MARF1: variants seen among roughly 807,000 people sequenced by gnomAD.
MARF1 encodes the protein meiosis regulator and mRNA stability factor 1.
A neutral mutation model predicts 168.2 loss-of-function variants in MARF1; 24 were observed. The observed-to-expected ratio is 0.14, with a 90% CI of 0.10 to 0.20. MARF1 has a LOEUF of 0.20. MARF1 is among the 10% of genes least tolerant of loss of function. The probability of loss-of-function intolerance (pLI) is 1.00; values close to 1 mark genes in which losing one functional copy is unlikely to be tolerated. For missense variants in MARF1, 1,744 were observed against 2,143.6 expected (o/e 0.81, Z 3.68); for synonymous variants, 868 against 822.4 (o/e 1.06, Z -0.95).
chr16:15,630,547 A>G (rs1358461144), intron 6 of MARF1, 43 bp from the exon 7 acceptor site: 3 of 1,550,504 alleles, frequency 1.9e-6, no homozygotes, highest in Non-Finnish European at 2.6e-6. Context: ...CAAACATTAG[A>G]AACACTTGAC....
At chr16:15,601,547 C>T in intron 23 of MARF1, 1 of 249,474 alleles carries the variant, frequency 4.0e-6, no homozygotes, top group Non-Finnish European at 7.9e-6. Context: ...CCTGCATCTG[C>T]TCATGTCATC....
At chr16:15,630,280 G>A (rs373153997) in intron 7 of MARF1, 52 bp downstream of exon 7, 99 of 1,531,080 alleles carry the variant, frequency 6.5e-5, no homozygotes, top group Non-Finnish European at 8.3e-5. Context: ...CTGTCTTTCA[G>A]CCTCCACAAT....
chr16:15,622,040 C>G (rs2034499656), intron 11 of MARF1, 129 bp from the exon 12 acceptor site: 2 of 759,704 alleles, frequency 2.6e-6, no homozygotes, highest in Non-Finnish European at 4.2e-6. Flanking sequence ...TGTCTGAACT[C>G]TGCTCTTCTG....
chr16:15,634,091 CA>C (rs2151287609), intron 4 of MARF1, among the ~76,000 whole-genome samples: 1 of 152,190 alleles, frequency 6.6e-6, no homozygotes, highest in South Asian at 2.1e-4. Flanking sequence ...TTTAAGCCCA[CA>C]ATAAATCCAC....
intron 16 of MARF1, 67 bp from the exon 17 acceptor site, chr16:15,612,844 G>A: frequency 7.4e-7 from 1 of 1,346,338 alleles, no homozygotes; most frequent in African/African-American, 1.4e-5. Flanking sequence ...AGGGAAAATG[G>A]CCCTGCAGTC....
chr16:15,638,998 C>T, intron 2 of MARF1, 92 bp downstream of exon 2: 5 of 1,323,948 alleles, frequency 3.8e-6, no homozygotes, highest in Non-Finnish European at 2.1e-6. Flanking sequence ...GGCACAGACT[C>T]TAGGATGAGA....
At chr16:15,599,450 G>C (rs1244012048) in intron 25 of MARF1, among the ~76,000 whole-genome samples, 3 of 152,170 alleles carry the variant, frequency 2.0e-5, no homozygotes, top group Admixed American at 2.0e-4. Flanking sequence ...GACTGCCTGA[G>C]ATTTCCGAGC....
intron 2 of MARF1, among the ~76,000 whole-genome samples, chr16:15,637,420 T>C (rs67212531): frequency 0.23 from 34,477 of 152,220 alleles, 4,311 homozygotes; most frequent in South Asian, 0.33. Context: ...CCTGGGAGCA[T>C]AGGCTCATCT....
intron 21 of MARF1, among the ~76,000 whole-genome samples, chr16:15,604,812 T>A (rs1329404958): frequency 6.6e-6 from 1 of 152,016 alleles, no homozygotes; most frequent in Non-Finnish European, 1.5e-5. Flanking sequence ...TAAGCAACAC[T>A]CACATGGCTT....
chr16:15,598,855 A>C lies in MARF1; in HGVS notation c.4983T>G (p.Ser1661=), dbSNP rs1401527537. ...CCATGACAACATGGAGTCACCCACC[A>C]GAAGGCTCTTGAGGGCGCTCCTCAA... ...IQFEERPQEP[S]EIMILNQEEK... is the part of the protein sequence containing the mutation. The change falls in exon 26 of 27, where the codon TCT becomes TCG. Residue 1661 remains serine, a splice_region_variant and synonymous_variant. Transcript: ENST00000396368. 6.2e-7 allele frequency: 1 copy of C among 1,614,108 alleles called. No individual in the cohort carries two copies. Among genetic ancestry groups the C allele is most frequent in the South Asian group, 1.1e-5 (1 of 91,082 alleles).
rs2034485254 is a variant in MARF1, at chr16:15,621,873, T to G, written c.2499A>C (p.Gln833His). 2 of 1,613,944 alleles carry G rather than the reference T, an allele frequency of 1.2e-6. No individual in the cohort carries two copies. The highest frequency in any genetic ancestry group is 1.7e-6 in the Non-Finnish European group (2 of 1,180,010). ...SVELSPHTDY[Q>H]LKAVVQMENL... ...TTTCCATTTGCACAACAGCCTTGAG[T>G]TGATAATCTGTATGGGGGCTGAGCT... The change falls in exon 12 of 27, where the codon CAA (glutamine) becomes CAC (histidine). Residue 833 changes from glutamine (Q) to histidine (H), a missense_variant. By Grantham distance (24) the Gln-to-His change is conservative. Transcript: ENST00000396368.
Position 15,636,245 on chromosome 16 carries a change from G to A in MARF1, c.242C>T (p.Pro81Leu), listed in dbSNP as rs1176034710. The change falls in exon 3 of 27, where the codon CCT becomes CTT. Residue 81 changes from proline (P) to leucine (L), a missense_variant. Around this residue, in one of 7 missense-constraint regions of MARF1, gnomAD observed 318 missense variants for 336.6 expected, o/e 0.94. Coordinates refer to ENST00000396368, the MANE Select transcript of MARF1 (RefSeq NM_014647.4). ...AGGCTGCTGAAGAGAACGAATATCA[G>A]GAAGTGGGACTGCTGGAAAAAGCTT... ...GSKLFPAVPL[P>L]DIRSLQQPKI... 2 of 1,614,058 alleles carry A rather than the reference G, an allele frequency of 1.2e-6. No homozygotes were observed. Among genetic ancestry groups the A allele is most frequent in the African/African-American group, 2.7e-5 (2 of 74,948 alleles).
Position 15,639,101 on chromosome 16 carries a change from T to C in MARF1, c.133A>G (p.Ser45Gly), listed in dbSNP as rs2035782700. Reference sequence around the variant, plus strand: ...TTGCATATAGTTACCGTTTGGGGACTATGTGGCAGCGTCTGCTCAGGACGA... The same window carrying C: ...TTGCATATAGTTACCGTTTGGGGACCATGTGGCAGCGTCTGCTCAGGACGA... ...FSRPEQTLPH[S>G]PQTKEYMENK... The change falls in exon 2 of 27, where the codon AGT becomes GGT. Residue 45 changes from serine to glycine, a missense_variant. Ser to Gly is a moderately conservative substitution (Grantham distance 56, BLOSUM62 0). Coordinates refer to ENST00000396368, the MANE Select transcript of MARF1 (RefSeq NM_014647.4). 1 of 1,613,718 alleles carries C rather than the reference T, an allele frequency of 6.2e-7. No individual in the cohort carries two copies. The highest frequency in any genetic ancestry group is 1.1e-5 in the South Asian group (1 of 91,030).
Position 15,622,946 on chromosome 16 carries a change from G to C in MARF1, c.2448C>G (p.Ala816=). Residue 816 remains alanine (A), a synonymous_variant, in exon 11 of 27, where the codon GCC becomes GCG. Coordinates refer to ENST00000396368, the MANE Select transcript of MARF1 (RefSeq NM_014647.4). ...GGGAAAAAGTTACCTTGCCATGCCT[G>C]GCAAATGCTTCCTGCAGGAGCTGCT... ...ELQQLLQEAF[A]RHGKVKSVEL... 1 of 1,570,084 alleles carries C rather than the reference G, an allele frequency of 6.4e-7. No homozygotes were observed. The highest frequency in any genetic ancestry group is 8.7e-7 in the Non-Finnish European group (1 of 1,148,384).
chr16:15,614,563 A>G (rs2033887200), intron 16 of MARF1, among the ~76,000 whole-genome samples: 1 of 148,308 alleles, frequency 6.7e-6, no homozygotes, highest in African/African-American at 2.5e-5. Context: ...AGGCGGGCGG[A>G]TCATGAGGTC....
chr16:15,616,916 T>A (rs775641194), intron 15 of MARF1, 136 bp downstream of exon 15: 60 of 1,290,310 alleles, frequency 4.7e-5, no homozygotes, highest in Non-Finnish European at 6.3e-5. Context: ...TGACTGTACT[T>A]TGACTGAAGG....
chr16:15,605,250 T>A (rs942511743), intron 21 of MARF1, among the ~76,000 whole-genome samples: 2 of 152,208 alleles, frequency 1.3e-5, no homozygotes, highest in East Asian at 1.9e-4. Context: ...GTTTGCCCCC[T>A]TTATCTGGTT....
intron 18 of MARF1, 130 bp downstream of exon 18, chr16:15,611,462 A>AT (rs1171247403): frequency 4.3e-5 from 37 of 858,262 alleles, no homozygotes; most frequent in Non-Finnish European, 8.6e-6. Context: ...AAAAAAAAAA[A>AT]AAACAAAAAA....
At chr16:15,598,243 G>C (rs2031966606) in intron 26 of MARF1, among the ~76,000 whole-genome samples, 1 of 152,196 alleles carries the variant, frequency 6.6e-6, no homozygotes, top group Admixed American at 6.5e-5. Context: ...CTGTGCCTTA[G>C]TCACGCAGCC....
Sources: allele counts gnomAD v4.1 joint callset (sites outside exome capture counted in the v4.1 genomes callset), GRCh38; gene constraint gnomAD v4.1.1; regional missense constraint gnomAD v4.1.1; transcripts MANE v1.5; gene names NCBI Gene and HGNC (gene_info 2026-07-23, HGNC 2026-07-21).